TYW1: variants seen among roughly 807,000 people sequenced by gnomAD.
TYW1 encodes the protein S-adenosyl-L-methionine-dependent tRNA 4-demethylwyosine synthase TYW1.
In TYW1, 46 loss-of-function variants were observed where a neutral mutation model predicts 96.2. That is an observed-to-expected ratio of 0.48 (90% confidence interval 0.38 to 0.61). The LOEUF is 0.61. Among genes scored for constraint, TYW1 ranks in the 20% least tolerant of loss-of-function variants. The pLI is 0.00. For synonymous variants in TYW1, 274 were observed against 323.0 expected, an observed-to-expected ratio of 0.85 and a Z score of 1.63; for missense variants, 684 against 909.6, an observed-to-expected ratio of 0.75 and a Z score of 3.19.
At chr7:67,140,135 G>A (rs1369147888) in intron 13 of TYW1, among the ~76,000 whole-genome samples, 2 of 152,080 alleles carry the variant, frequency 1.3e-5, no homozygotes, top group South Asian at 2.1e-4. Context: ...CAGCTCTCGT[G>A]AGACTTATTC....
intron 6 of TYW1, among the ~76,000 whole-genome samples, chr7:67,019,970 A>G (rs1454552474): frequency 2.6e-5 from 4 of 152,292 alleles, no homozygotes; most frequent in African/African-American, 9.6e-5. Flanking sequence ...ACTTAGCTCA[A>G]CAGGAAGTGA....
At chr7:67,106,445 C>T (rs1797247242) in intron 12 of TYW1, among the ~76,000 whole-genome samples, 2 of 135,808 alleles carry the variant, frequency 1.5e-5, no homozygotes, top group South Asian at 2.3e-4. Flanking sequence ...ATATATAGCT[C>T]CACGCTGTAA....
chr7:67,061,661 T>G (rs564919161), intron 9 of TYW1, among the ~76,000 whole-genome samples: 1 of 152,338 alleles, frequency 6.6e-6, no homozygotes, highest in East Asian at 1.9e-4. Context: ...TAACCGATGT[T>G]TATATTTCTA....
chr7:67,201,745 A>C (rs10081331), intron 15 of TYW1, among the ~76,000 whole-genome samples: 38,245 of 152,172 alleles, frequency 0.25, 4,996 homozygotes, highest in African/African-American at 0.3. Context: ...ATGCTTTGAA[A>C]TTAATTACTT....
intron 12 of TYW1, among the ~76,000 whole-genome samples, chr7:67,107,009 TTG>T (rs760855322): frequency 5.2e-5 from 8 of 152,384 alleles, no homozygotes; most frequent in Middle Eastern, 3.4e-3. Flanking sequence ...TTTGTTTGCT[TTG>T]TGTTTTGTTT....
chr7:67,238,764 G>A lies in TYW1; in HGVS notation c.*235G>A. 1 of 1,351,450 alleles carries A rather than the reference G, an allele frequency of 7.4e-7. No individual in the cohort carries two copies. Among genetic ancestry groups the A allele is most frequent in the Non-Finnish European group, 9.5e-7 (1 of 1,048,636 alleles). 83.7% of individuals were successfully genotyped at this position (1,351,450 alleles called of 1,614,324 possible). On this transcript the variant is annotated 3_prime_UTR_variant, in exon 16 of 16. Transcript: ENST00000359626. ...CCCTTTCCTGATTTTACTTCTAAGA[G>A]GAAAATTATTTTGGGGAGGAACTAC...
rs769261666 is a variant in TYW1, at chr7:67,067,299, G to C, written c.1170G>C (p.Gly390=). The C allele has an allele frequency of 1.2e-5, 20 of 1,613,864 alleles. No individual in the cohort carries two copies. The highest frequency in any genetic ancestry group is 1.6e-5 in the Non-Finnish European group (19 of 1,179,864). The stretch of plus-strand genomic sequence containing the variant: ...ACTTGTCATAGTCCATGCTCCGAGG[G>C]AGAGGAGGTTGTTACAAACACACAT... The part of the protein sequence containing the change: ...LCRWTKSMLR[G]RGGCYKHTFY... The change falls in exon 10 of 16, where the codon GGG becomes GGC. Residue 390 remains glycine, a synonymous_variant. Coordinates refer to ENST00000359626, the MANE Select transcript of TYW1 (RefSeq NM_018264.4).
chr7:67,184,944 G>T (rs577943323), intron 14 of TYW1, among the ~76,000 whole-genome samples: 1 of 152,034 alleles, frequency 6.6e-6, no homozygotes, highest in African/African-American at 2.4e-5. Flanking sequence ...CTGACCTTGA[G>T]TGATCCACCC....
intron 13 of TYW1, among the ~76,000 whole-genome samples, chr7:67,167,504 T>C (rs1799378278): frequency 6.8e-6 from 1 of 147,898 alleles, no homozygotes; most frequent in Non-Finnish European, 1.5e-5. Context: ...AGGAAAGTCA[T>C]GAAGAGAGTT....
At chr7:67,196,039 A>G (rs569838277) in intron 15 of TYW1, among the ~76,000 whole-genome samples, 56 of 152,088 alleles carry the variant, frequency 3.7e-4, no homozygotes, top group African/African-American at 1.3e-3. Flanking sequence ...ACGTCATTAC[A>G]TATTTTTTTA....
chr7:67,045,867 T>C (rs570597774), intron 7 of TYW1, among the ~76,000 whole-genome samples: 5 of 152,140 alleles, frequency 3.3e-5, no homozygotes, highest in South Asian at 2.1e-4. Context: ...GGTGGCATTG[T>C]AGATGGAGAG....
chr7:67,055,929 C>G, intron 9 of TYW1, 42 bp downstream of exon 9: 2 of 1,442,482 alleles, frequency 1.4e-6, no homozygotes, highest in Non-Finnish European at 1.9e-6. Context: ...TTACATGCAA[C>G]TTTTAAATAG....
intron 7 of TYW1, among the ~76,000 whole-genome samples, chr7:67,029,410 T>TATATATATACATATATA (rs1302229314): frequency 7.7e-6 from 1 of 130,204 alleles, no homozygotes; most frequent in Non-Finnish European, 1.7e-5. Context: ...TGTGTGTGTG[T>TATATATATACATATATA]GTGTGTATAT....
intron 13 of TYW1, among the ~76,000 whole-genome samples, chr7:67,136,018 C>T (rs1453670422): frequency 6.6e-6 from 1 of 152,120 alleles, no homozygotes; most frequent in Non-Finnish European, 1.5e-5. Context: ...TTATATGAGT[C>T]GTAGATATTG....
At chr7:67,076,328 A>G (rs995342748) in intron 10 of TYW1, among the ~76,000 whole-genome samples, 1 of 152,222 alleles carries the variant, frequency 6.6e-6, no homozygotes, top group Admixed American at 6.5e-5. Context: ...AGAAAGTAAA[A>G]AAATGGCCTT....
Position 67,060,883 on chromosome 7 carries a change from G to A in TYW1, c.1155+4996G>A, listed in dbSNP as rs570558563. ...TGGTCATGACATTGGGCAGTTGGGT[G>A]AACCTTTTTTGTGGTTCATAAATCA... On this transcript the variant is annotated intron_variant, in intron 9 of 15. Coordinates refer to ENST00000359626, the MANE Select transcript of TYW1 (RefSeq NM_018264.4). 2.0e-5 allele frequency among the ~76,000 whole-genome samples: 3 copies of A among 152,280 alleles called. No homozygotes were observed. The East Asian group carries it at 5.8e-4, about 29-fold the overall frequency.
chr7:67,001,713 C>T (rs1763473010), intron 3 of TYW1, among the ~76,000 whole-genome samples: 1 of 151,614 alleles, frequency 6.6e-6, no homozygotes. Flanking sequence ...AGCCACCGCG[C>T]CCAGCCTTTA....
chr7:67,048,115 A>G (rs1464333490), intron 7 of TYW1, among the ~76,000 whole-genome samples: 2 of 2,148 alleles, frequency 9.3e-4, no homozygotes, highest in African/African-American at 4.4e-3. Context: ...AATGTTCTCA[A>G]AAGTACACAG....
chr7:67,070,799 C>G (rs145411209), intron 10 of TYW1, among the ~76,000 whole-genome samples: 36 of 152,004 alleles, frequency 2.4e-4, no homozygotes, highest in Non-Finnish European at 4.4e-4. Context: ...ACACTTGTTT[C>G]TTTGCATGGT....
Sources: gnomAD v4.1 joint callset for allele counts (sites outside exome capture counted in the v4.1 genomes callset) on GRCh38, gnomAD v4.1.1 for gene constraint, MANE v1.5 for transcripts, NCBI Gene and HGNC (gene_info 2026-07-23, HGNC 2026-07-21) for gene names.